Variants in EPHA6 observed in about 807,000 individuals in gnomAD.
EPHA6 encodes the protein ephrin type-A receptor 6.
A neutral mutation model predicts 112.0 loss-of-function variants in EPHA6; 50 were observed. The observed-to-expected ratio is 0.45, with a 90% CI of 0.36 to 0.56. The LOEUF is 0.56. Ranked by LOEUF, EPHA6 falls within the 20% of genes least tolerant of loss-of-function variation. The probability of loss-of-function intolerance (pLI) is 0.00; values close to 1 mark genes in which losing one functional copy is unlikely to be tolerated. For missense variants in EPHA6, 1,280 were observed against 1,417.4 expected, an observed-to-expected ratio of 0.90 and a Z score of 1.56; for synonymous variants, 529 against 490.7, an observed-to-expected ratio of 1.08 and a Z score of -1.03.
intron 10 of EPHA6, among the ~76,000 whole-genome samples, chr3:97,494,944 C>T (rs1424806758): frequency 6.6e-6 from 1 of 152,200 alleles, no homozygotes; most frequent in Non-Finnish European, 1.5e-5. Flanking sequence ...CCACCTTCCT[C>T]TGGAGATCTA....
At chr3:96,952,344 A>G (rs2041579730) in intron 2 of EPHA6, among the ~76,000 whole-genome samples, 1 of 152,248 alleles carries the variant, frequency 6.6e-6, no homozygotes, top group East Asian at 1.9e-4. Context: ...GTGAGGTGGT[A>G]GGGCCTTTAA....
Position 97,324,405 on chromosome 3 carries a change from T to TTTTCTCTCTTTCTTTC in EPHA6, c.1606+80123_1606+80124insCTCTTTCTTTCTTTCT, listed in dbSNP as rs2082269667. Among the ~76,000 whole-genome samples the TTTTCTCTCTTTCTTTC allele has an allele frequency of 2.9e-5, 3 of 104,492 alleles. No homozygotes were observed. The Admixed American group carries it at 3.3e-4, about 12-fold the overall frequency. 68.6% of individuals were successfully genotyped at this position (104,492 alleles called of 152,430 possible). ...TTCTAAGATTTCTTTGCTTTCCTTC[T>TTTTCTCTCTTTCTTTC]TTTCTTTCTTTCTTTCTTTCTTTCT... On this transcript the variant is annotated intron_variant, in intron 5 of 17. Transcript: ENST00000389672.
At chr3:97,560,066 C>T (rs1207316417) in intron 11 of EPHA6, among the ~76,000 whole-genome samples, 1 of 151,386 alleles carries the variant, frequency 6.6e-6, no homozygotes, top group Non-Finnish European at 1.5e-5. Context: ...GCCAAACTAT[C>T]TAGAGTGAGA....
chr3:97,499,542 T>C (rs1276933972), intron 10 of EPHA6, among the ~76,000 whole-genome samples: 2 of 152,084 alleles, frequency 1.3e-5, no homozygotes, highest in Non-Finnish European at 2.9e-5. Context: ...CATCATAGAG[T>C]GCACTTAACC....
chr3:96,814,951 T>G lies in EPHA6; in HGVS notation c.328T>G (p.Phe110Val). ...GGAATTTCTTTTGCAATTTGGTTTCTTCTTGCCTCTGCTGACAGCGTGGCC... is the reference window on the plus strand; with the variant it reads ...GGAATTTCTTTTGCAATTTGGTTTCGTCTTGCCTCTGCTGACAGCGTGGCC... ...VREFLLQFGFFLPLLTAWPGD... is the reference protein window; with the variant it reads ...VREFLLQFGFVLPLLTAWPGD... The change falls in exon 1 of 18, where the codon TTC becomes GTC. Residue 110 changes from phenylalanine (F) to valine (V), a missense_variant. Physicochemically the swap from Phe to Val is conservative, Grantham distance 50. This residue lies in a region of EPHA6 where 220 missense variants were observed against 171.5 expected (regional missense o/e 1.28). Transcript: ENST00000389672. The G allele has an allele frequency of 6.5e-7, 1 of 1,549,918 alleles. No individual in the cohort carries two copies. Among genetic ancestry groups the G allele is most frequent in the Non-Finnish European group, 8.7e-7 (1 of 1,145,732 alleles).
At chr3:97,732,428 T>C (rs541342626) in intron 15 of EPHA6, among the ~76,000 whole-genome samples, 1 of 152,054 alleles carries the variant, frequency 6.6e-6, no homozygotes, top group South Asian at 2.1e-4. Context: ...TCACTCTCAA[T>C]AGTTAATACA....
In EPHA6 at chr3:96,987,880, C is replaced by T; in HGVS notation, c.1001C>T (p.Ala334Val). The change falls in exon 3 of 18, where the codon GCT becomes GTT. Residue 334 changes from alanine (A) to valine (V), a missense_variant. Around this residue, in one of 4 missense-constraint regions of EPHA6, gnomAD observed 878 missense variants for 999.7 expected, o/e 0.88. Coordinates refer to ENST00000389672, the MANE Select transcript of EPHA6 (RefSeq NM_001080448.3). ...VEVRGSCVKS[A>V]EERDTPKLYC... Reference sequence around the variant, plus strand: ...GTACGGGGTTCTTGTGTGAAGAGTGCTGAAGAGCGTGACACTCCTAAACTG... The same window carrying T: ...GTACGGGGTTCTTGTGTGAAGAGTGTTGAAGAGCGTGACACTCCTAAACTG... The T allele has an allele frequency of 6.2e-7, 1 of 1,613,788 alleles. No homozygotes were observed.
intron 10 of EPHA6, among the ~76,000 whole-genome samples, chr3:97,490,193 T>C: frequency 6.6e-6 from 1 of 152,152 alleles, no homozygotes; most frequent in East Asian, 1.9e-4. Context: ...GTTTATCTGG[T>C]TGCCAACAAA....
chr3:97,308,493 G>A (rs2081416979), intron 5 of EPHA6, among the ~76,000 whole-genome samples: 1 of 151,696 alleles, frequency 6.6e-6, no homozygotes, highest in African/African-American at 2.4e-5. Context: ...GCACTATGCT[G>A]TTGTTGTCAA....
chr3:96,973,150 A>C (rs1262941326), intron 2 of EPHA6, among the ~76,000 whole-genome samples: 1 of 152,170 alleles, frequency 6.6e-6, no homozygotes, highest in Non-Finnish European at 1.5e-5. Flanking sequence ...TAGAAACAAA[A>C]ATTCATATGT....
At chr3:97,181,531 T>C (rs1208829168) in intron 3 of EPHA6, among the ~76,000 whole-genome samples, 1 of 152,080 alleles carries the variant, frequency 6.6e-6, no homozygotes, top group African/African-American at 2.4e-5. Flanking sequence ...AATTCTTGTT[T>C]TGCTTTGATG....
At chr3:97,247,653 A>G (rs960771955) in intron 5 of EPHA6, among the ~76,000 whole-genome samples, 1 of 151,966 alleles carries the variant, frequency 6.6e-6, no homozygotes, top group African/African-American at 2.4e-5. Context: ...AAGATAGCAT[A>G]TCATAGAAGT....
At chr3:97,308,861 A>T (rs1434631623) in intron 5 of EPHA6, among the ~76,000 whole-genome samples, 2 of 151,762 alleles carry the variant, frequency 1.3e-5, no homozygotes, top group African/African-American at 4.8e-5. Context: ...ACTGAACTGT[A>T]AACCACAGTA....
At chr3:97,312,006 G>A (rs1423824494) in intron 5 of EPHA6, among the ~76,000 whole-genome samples, 1 of 151,366 alleles carries the variant, frequency 6.6e-6, no homozygotes, top group Non-Finnish European at 1.5e-5. Flanking sequence ...TCTTAGCAAT[G>A]TTTTGTATAT....
chr3:97,737,665 G>A (rs2035325565), intron 16 of EPHA6, among the ~76,000 whole-genome samples: 1 of 152,030 alleles, frequency 6.6e-6, no homozygotes, highest in Admixed American at 6.6e-5. Flanking sequence ...GCAGATGCCT[G>A]TGGGACATCT....
intron 11 of EPHA6, among the ~76,000 whole-genome samples, chr3:97,560,797 C>T (rs1173701823): frequency 1.3e-5 from 2 of 151,994 alleles, no homozygotes; most frequent in African/African-American, 4.8e-5. Flanking sequence ...CTGCTCTTCA[C>T]AGGTATTGCG....
intron 11 of EPHA6, among the ~76,000 whole-genome samples, chr3:97,551,901 G>A (rs1210160885): frequency 1.3e-5 from 2 of 152,086 alleles, no homozygotes; most frequent in African/African-American, 4.8e-5. Context: ...TGCTTAAAGA[G>A]AATAAGAATC....
intron 5 of EPHA6, among the ~76,000 whole-genome samples, chr3:97,396,963 A>G (rs1292798500): frequency 6.6e-6 from 1 of 151,754 alleles, no homozygotes; most frequent in Admixed American, 6.6e-5. Flanking sequence ...AATTTTTGTT[A>G]CATAGTGTTT....
At chr3:97,182,598 C>T (rs1467769679) in intron 3 of EPHA6, among the ~76,000 whole-genome samples, 1 of 152,086 alleles carries the variant, frequency 6.6e-6, no homozygotes, top group Non-Finnish European at 1.5e-5. Flanking sequence ...GGTGACAGAA[C>T]TGCATCCTAC....
Sources: allele counts gnomAD v4.1 joint callset (sites outside exome capture counted in the v4.1 genomes callset), GRCh38; gene constraint gnomAD v4.1.1; regional missense constraint gnomAD v4.1.1; transcripts MANE v1.5; gene names NCBI Gene and HGNC (gene_info 2026-07-23, HGNC 2026-07-21).